The following ABCC5 variants were observed in gnomAD, a reference collection of about 807,000 sequenced individuals.
The protein encoded by ABCC5 is ATP binding cassette subfamily C member 5.
A neutral mutation model predicts 160.9 loss-of-function variants in ABCC5; 61 were observed. The observed-to-expected ratio is 0.38, with a 90% CI of 0.31 to 0.47. ABCC5 has a LOEUF of 0.47. ABCC5 is among the 20% of genes least tolerant of loss of function. The probability of loss-of-function intolerance (pLI) is 0.99; values close to 1 mark genes in which losing one functional copy is unlikely to be tolerated. For synonymous variants in ABCC5, 666 were observed against 700.6 expected, an observed-to-expected ratio of 0.95 and a Z score of 0.78; for missense variants, 1,308 against 1,813.3, an observed-to-expected ratio of 0.72 and a Z score of 5.06.
chr3:184,008,897 C>T (rs959424015), intron 2 of ABCC5, among the ~76,000 whole-genome samples: 6 of 152,178 alleles, frequency 3.9e-5, no homozygotes, highest in Non-Finnish European at 7.3e-5. Context: ...CGCTCTGTCA[C>T]GCAGGGTGGA....
In ABCC5 at chr3:184,007,746, G is replaced by A. The variant is rs1357522759; in HGVS notation, c.129+6518C>T. 3.3e-5 allele frequency among the ~76,000 whole-genome samples: 5 copies of A among 152,184 alleles called. No individual in the cohort carries two copies. In the East Asian group the frequency reaches 9.6e-4, roughly 29 times the overall value. On this transcript the variant is annotated intron_variant, in intron 2 of 29. Transcript: ENST00000334444. ...GGAGACTGAGAGAGGAGAATCGCTT[G>A]AACTTGGGAGGCGGAGGTTGCAGTG... is the stretch of plus-strand genomic sequence containing the variant.
At chr3:184,010,353 T>G (rs1054920004) in intron 2 of ABCC5, 2 of 152,134 alleles carry the variant, frequency 1.3e-5, no homozygotes, top group African/African-American at 4.8e-5. Context: ...TTCCTGAAAT[T>G]TTATAAAAGT....
intron 2 of ABCC5, chr3:184,001,305 C>A: frequency 4.4e-6 from 2 of 458,408 alleles, no homozygotes; most frequent in South Asian, 5.0e-5. Flanking sequence ...TTCATTTAAC[C>A]CAATGCAAAG....
chr3:184,001,302 A>C, intron 2 of ABCC5: 1 of 466,794 alleles, frequency 2.1e-6, no homozygotes, highest in Non-Finnish European at 3.8e-6. Context: ...TATTTCATTT[A>C]ACCCAATGCA....
Position 183,942,749 on chromosome 3 carries a change from G to A in ABCC5, c.3672C>T (p.Gly1224=), listed in dbSNP as rs370896100. 4 of 1,613,934 alleles carry A rather than the reference G, an allele frequency of 2.5e-6. No individual in the cohort carries two copies. Among genetic ancestry groups the A allele is most frequent in the South Asian group, 2.2e-5 (2 of 91,072 alleles). Residue 1224 remains glycine, a synonymous_variant, in exon 25 of 30, where the codon GGC becomes GGT. Transcript: ENST00000334444. ...TACCTGATCCTGTCCGCCCCACAAT[G>A]CCAATCTTCTCTTTAGGTTTGATCG... ...SFTIKPKEKI[G]IVGRTGSGKS...
At position 183,988,554 on chromosome 3, in the gene ABCC5, T is replaced by C. The variant is rs533044383; in HGVS notation, c.443+18A>G. The C allele has an allele frequency of 3.4e-5, 55 of 1,604,828 alleles. No individual in the cohort carries two copies. In the East Asian group the frequency reaches 1.1e-3, roughly 32 times the overall value. On this transcript the variant is annotated intron_variant, in intron 4 of 29. Coordinates refer to ENST00000334444, the MANE Select transcript of ABCC5 (RefSeq NM_005688.4). The surrounding 1 kb of genome is among the most constrained non-coding windows in gnomAD (Gnocchi z 4.4). ...CCACCCGGCATGGGGGAGATGAGGG[T>C]GGACCAGAGGCGCCTACCTTCTGCA... is the stretch of plus-strand genomic sequence containing the variant.
Position 183,951,376 on chromosome 3 carries a change from AT to A in ABCC5, c.2944+64del, listed in dbSNP as rs1259776536. The A allele has an allele frequency of 6.3e-7, 1 of 1,577,614 alleles. No individual in the cohort carries two copies. The highest frequency in any genetic ancestry group is 1.4e-5 in the African/African-American group (1 of 73,754). Reference sequence around the variant, plus strand: ...ACAGACAGATCTGCACATTTGGAGAATCATCTAGAAGGCTGGAAGCACAGTG... The same window carrying A: ...ACAGACAGATCTGCACATTTGGAGAACATCTAGAAGGCTGGAAGCACAGTG... On this transcript the variant is annotated intron_variant, in intron 20 of 29. Transcript: ENST00000334444. The surrounding 1 kb of genome is among the most constrained non-coding windows in gnomAD (Gnocchi z 4.7).
intron 24 of ABCC5, 57 bp from the exon 25 acceptor site, chr3:183,942,973 G>C (rs538664165): frequency 7.9e-6 from 12 of 1,517,148 alleles, no homozygotes; most frequent in South Asian, 7.5e-5. Flanking sequence ...GGAGCTGCAG[G>C]CTTTGTCACA....
rs947993370 is a variant in ABCC5, at chr3:183,920,999, T to C, written c.*301A>G. On this transcript the variant is annotated 3_prime_UTR_variant, in exon 30 of 30. Transcript: ENST00000334444. The surrounding 1 kb of genome is among the most constrained non-coding windows in gnomAD (Gnocchi z 4.1). The stretch of plus-strand genomic sequence containing the variant: ...GGCTATGTACAGAATTATATATAGA[T>C]ATAGCTACACGTATAAAGCTTCATT... The C allele has an allele frequency of 8.6e-6, 2 of 232,172 alleles. No homozygotes were observed. Among genetic ancestry groups the C allele is most frequent in the African/African-American group, 4.5e-5 (2 of 44,258 alleles). 14.4% of individuals were successfully genotyped at this position (232,172 alleles called of 1,614,324 possible).
At position 183,920,718 on chromosome 3, in the gene ABCC5, C is replaced by T. The variant is rs3749445; in HGVS notation, c.*582G>A. 59,227 of 152,482 alleles carry T rather than the reference C, an allele frequency of 0.39. 12,864 individuals are homozygous for T. The highest frequency in any genetic ancestry group is 0.5 in the East Asian group (2,596 of 5,164). The allele number at this position is 152,482 out of a possible 1,614,324, so 9.4% of individuals were successfully genotyped here. A position where few individuals can be genotyped will look rare whatever the true frequency, so the allele number is the denominator to read the frequency against. On this transcript the variant is annotated 3_prime_UTR_variant, in exon 30 of 30. Coordinates refer to ENST00000334444, the MANE Select transcript of ABCC5 (RefSeq NM_005688.4). The surrounding 1 kb of genome is among the most constrained non-coding windows in gnomAD (Gnocchi z 4.1). ...CGTCTCCAGCCACCCCTGGAGCGGC[C>T]GTGGGGAGGCGGCAGAGGGGGCTGT...
At chr3:183,957,667 A>G (rs1716245547) in intron 17 of ABCC5, among the ~76,000 whole-genome samples, 1 of 151,410 alleles carries the variant, frequency 6.6e-6, no homozygotes, top group Admixed American at 6.6e-5. Flanking sequence ...TGTGTACCTC[A>G]CACCGGTTAC....
chr3:183,997,130 CAA>C (rs1314281030), intron 2 of ABCC5, among the ~76,000 whole-genome samples: 1 of 152,034 alleles, frequency 6.6e-6, no homozygotes, highest in Non-Finnish European at 1.5e-5. Flanking sequence ...AAAATAAAAA[CAA>C]GAGAAAATAA....
Position 183,984,951 on chromosome 3 carries a change from C to A in ABCC5, c.592-1944G>T, listed in dbSNP as rs2108859479. ...CCTTCCTTCCCATACCTTTAGAGTG[C>A]CATTTTTCAGCACTGGGTAATAGCA... On this transcript the variant is annotated intron_variant, in intron 5 of 29. Transcript: ENST00000334444. 2.7e-6 allele frequency: 4 copies of A among 1,463,808 alleles called. No individual in the cohort carries two copies. The South Asian group carries it at 3.6e-5, about 13-fold the overall frequency. 90.7% of individuals were successfully genotyped at this position (1,463,808 alleles called of 1,614,324 possible). A position where few individuals can be genotyped will look rare whatever the true frequency, so the allele number is the denominator to read the frequency against.
intron 11 of ABCC5, 137 bp from the exon 12 acceptor site, chr3:183,967,903 G>T: frequency 1.4e-6 from 1 of 700,244 alleles, no homozygotes. Context: ...CCACTTACCT[G>T]TTTTCTCACT....
At position 183,982,414 on chromosome 3, in the gene ABCC5, G is replaced by C; in HGVS notation, c.999+37C>G. 6.2e-7 allele frequency: 1 copy of C among 1,601,956 alleles called. No individual in the cohort carries two copies. The highest frequency in any genetic ancestry group is 8.5e-7 in the Non-Finnish European group (1 of 1,173,386). ...CAATGGAAGTAACTCATCTCCTAAG[G>C]AGAAGCTGCCAGGATTCAGCTGGGA... is the stretch of plus-strand genomic sequence containing the variant. On this transcript the variant is annotated intron_variant, in intron 7 of 29. Transcript: ENST00000334444. This position sits in a 1 kb window ranked among gnomAD's most constrained non-coding sequence, Gnocchi z 5.2.
chr3:184,000,205 C>G (rs1217934532), intron 2 of ABCC5, among the ~76,000 whole-genome samples: 2 of 151,622 alleles, frequency 1.3e-5, no homozygotes, highest in Admixed American at 1.3e-4. Context: ...CAAAAAAATA[C>G]AAAAAAGGGA....
intron 10 of ABCC5, among the ~76,000 whole-genome samples, chr3:183,974,368 C>T (rs555285430): frequency 9.3e-4 from 141 of 152,276 alleles, no homozygotes; most frequent in African/African-American, 3.1e-3. Flanking sequence ...AATGCAGTGG[C>T]GCAATCTCAG....
intron 24 of ABCC5, 26 bp downstream of exon 24, chr3:183,945,824 C>T (rs371593634): frequency 5.2e-5 from 83 of 1,599,558 alleles, no homozygotes; most frequent in Non-Finnish European, 6.0e-5. Context: ...AGTCAGATCA[C>T]GGTAAAAGGC....
At chr3:183,933,426 C>CA (rs1229436033) in intron 26 of ABCC5, among the ~76,000 whole-genome samples, 1 of 152,090 alleles carries the variant, frequency 6.6e-6, no homozygotes, top group Non-Finnish European at 1.5e-5. Context: ...GGGGATAGGA[C>CA]AGAGGCCAGG....
Sources: allele counts gnomAD v4.1 joint callset (sites outside exome capture counted in the v4.1 genomes callset), GRCh38; gene constraint gnomAD v4.1.1; non-coding constraint Gnocchi (gnomAD v3.1); transcripts MANE v1.5; gene names NCBI Gene and HGNC (gene_info 2026-07-23, HGNC 2026-07-21).